Variants in COG2 observed in about 807,000 individuals in gnomAD.
The protein encoded by COG2 is conserved oligomeric Golgi complex subunit 2.
Under a neutral mutation model 90.6 loss-of-function variants are expected in COG2, and 52 were observed. That is an observed-to-expected ratio of 0.57 (90% CI 0.46 to 0.72). The LOEUF (loss-of-function observed/expected upper bound fraction) is 0.72. COG2 is among the 30% of genes least tolerant of loss of function. The probability of loss-of-function intolerance (pLI) is 0.00; values close to 1 mark genes in which losing one functional copy is unlikely to be tolerated. For missense variants in COG2, 829 were observed against 891.2 expected (o/e 0.93, Z 0.89); for synonymous variants, 337 against 320.4 (o/e 1.05, Z -0.55).
At chr1:230,665,081 T>A (rs1224555902) in intron 5 of COG2, among the ~76,000 whole-genome samples, 1 of 152,228 alleles carries the variant, frequency 6.6e-6, no homozygotes, top group Non-Finnish European at 1.5e-5. Flanking sequence ...TTTGTTATAC[T>A]GTAGTGTCTT....
At position 230,675,049 on chromosome 1, in the gene COG2, G is replaced by A; in HGVS notation, c.951G>A (p.Trp317Ter). The A allele has an allele frequency of 1.2e-6, 2 of 1,612,256 alleles. No individual in the cohort carries two copies. The highest frequency in any genetic ancestry group is 1.1e-5 in the South Asian group (1 of 90,642). The change falls in exon 9 of 18, where the codon TGG becomes TGA. Residue 317 changes from tryptophan (W) to a stop codon, truncating the protein, a stop_gained. Transcript: ENST00000366669. LOFTEE classifies it high-confidence loss of function. ...ATGACTTTTTGGTGAATTCTGTTTG[G>A]CCACAAATAGTACAAGGATTAGAAG... ...PGYDFLVNSVWPQIVQGLEEK... is the reference protein window; with the variant it reads ...PGYDFLVNSV
intron 1 of COG2, among the ~76,000 whole-genome samples, chr1:230,653,916 AC>A (rs1661980101): frequency 6.7e-6 from 1 of 150,368 alleles, no homozygotes; most frequent in Non-Finnish European, 1.5e-5. Context: ...ATTCATGAGG[AC>A]AAAGCCCTCA....
intron 9 of COG2, among the ~76,000 whole-genome samples, chr1:230,675,756 C>T (rs1193945180): frequency 6.6e-6 from 1 of 152,132 alleles, no homozygotes; most frequent in Non-Finnish European, 1.5e-5. Context: ...GATCCTATGC[C>T]TCAGGCTGCT....
intron 10 of COG2, 51 bp from the exon 11 acceptor site, chr1:230,683,523 G>C (rs1262180941): frequency 1.5e-6 from 2 of 1,356,530 alleles, no homozygotes; most frequent in Non-Finnish European, 2.1e-6. Context: ...GATAGGGAAA[G>C]GCATCTGTCA....
intron 9 of COG2, among the ~76,000 whole-genome samples, chr1:230,677,695 A>C (rs1356091076): frequency 1.3e-5 from 2 of 152,204 alleles, no homozygotes; most frequent in Admixed American, 1.3e-4. Context: ...GACTCAGGAA[A>C]TGTTTCAGCT....
chr1:230,663,187 G>T lies in COG2; in HGVS notation c.347G>T (p.Arg116Leu). The change falls in exon 4 of 18, where the codon CGA becomes CTA. Residue 116 changes from arginine to leucine, a missense_variant. Arg to Leu is a moderately radical substitution (Grantham distance 102, BLOSUM62 -2). Coordinates refer to ENST00000366669, the MANE Select transcript of COG2 (RefSeq NM_007357.3). Reference protein sequence around the residue: ...VSEGIRAVDERMSKQEDIRKK... With the variant: ...VSEGIRAVDELMSKQEDIRKK... Reference sequence around the variant, plus strand: ...GAAGGAATTCGGGCAGTTGATGAACGAATGTCTAAACAAGAGGACATTAGG... The same window carrying T: ...GAAGGAATTCGGGCAGTTGATGAACTAATGTCTAAACAAGAGGACATTAGG... 6.2e-7 allele frequency: 1 copy of T among 1,610,228 alleles called. No individual in the cohort carries two copies.
At chr1:230,656,117 T>C (rs1026946065) in intron 1 of COG2, among the ~76,000 whole-genome samples, 2 of 152,184 alleles carry the variant, frequency 1.3e-5, no homozygotes, top group African/African-American at 4.8e-5. Context: ...TCAGTTCTGC[T>C]CTGATCTTAG....
At chr1:230,650,913 G>C (rs1199443506) in intron 1 of COG2, among the ~76,000 whole-genome samples, 1 of 152,172 alleles carries the variant, frequency 6.6e-6, no homozygotes, top group Non-Finnish European at 1.5e-5. Flanking sequence ...TTTTCTGCAC[G>C]TAGTGAATAT....
At chr1:230,660,204 T>A (rs1286550675) in intron 2 of COG2, among the ~76,000 whole-genome samples, 3 of 152,198 alleles carry the variant, frequency 2.0e-5, no homozygotes, top group Non-Finnish European at 4.4e-5. Context: ...TCCAAAGAAG[T>A]ACAGAAAGTA....
intron 1 of COG2, among the ~76,000 whole-genome samples, chr1:230,653,315 G>A (rs1411003442): frequency 6.6e-6 from 1 of 151,604 alleles, no homozygotes; most frequent in Non-Finnish European, 1.5e-5. Flanking sequence ...CTGCCTCCAG[G>A]CCTCAAGCAA....
chr1:230,671,386 A>G, intron 7 of COG2, 130 bp from the exon 8 acceptor site: 1 of 709,264 alleles, frequency 1.4e-6, no homozygotes, highest in Non-Finnish European at 2.3e-6. Flanking sequence ...TGTTTAGAAA[A>G]TGTGTCACAG....
At chr1:230,644,554 A>G (rs1170022178) in intron 1 of COG2, among the ~76,000 whole-genome samples, 1 of 152,174 alleles carries the variant, frequency 6.6e-6, no homozygotes, top group Non-Finnish European at 1.5e-5. Flanking sequence ...ATCCAGATTT[A>G]AAGTTGCTTG....
chr1:230,648,798 C>CA (rs1180575037), intron 1 of COG2, among the ~76,000 whole-genome samples: 2 of 152,146 alleles, frequency 1.3e-5, no homozygotes, highest in Non-Finnish European at 2.9e-5. Flanking sequence ...AAATTAATCA[C>CA]AAAATGGGGC....
intron 8 of COG2, among the ~76,000 whole-genome samples, chr1:230,671,929 A>G (rs1428173075): frequency 6.6e-6 from 1 of 152,240 alleles, no homozygotes; most frequent in Non-Finnish European, 1.5e-5. Flanking sequence ...GTTTGAAGTC[A>G]GAATTGCTTT....
intron 7 of COG2, chr1:230,670,375 A>G (rs1662419727): frequency 1.3e-5 from 2 of 152,228 alleles, no homozygotes; most frequent in South Asian, 4.1e-4. Context: ...GTTAGTAAAT[A>G]CAAAGATTAT....
chr1:230,691,317 C>A, intron 16 of COG2, 67 bp from the exon 17 acceptor site: 1 of 1,375,618 alleles, frequency 7.3e-7, no homozygotes, highest in South Asian at 1.6e-5. Context: ...GTCCACAAAG[C>A]CAGTTACTCT....
intron 12 of COG2, among the ~76,000 whole-genome samples, chr1:230,685,965 G>A (rs1662876444): frequency 6.6e-6 from 1 of 152,226 alleles, no homozygotes; most frequent in Non-Finnish European, 1.5e-5. Flanking sequence ...GGAGAAAACA[G>A]CACACTTTGA....
intron 1 of COG2, among the ~76,000 whole-genome samples, chr1:230,650,461 T>G (rs1390471471): frequency 6.6e-6 from 1 of 152,224 alleles, no homozygotes; most frequent in Non-Finnish European, 1.5e-5. Flanking sequence ...TTAGTTATGT[T>G]GGACATTTTT....
At chr1:230,679,434 C>G (rs1169225696) in intron 10 of COG2, 1 of 156,890 alleles carries the variant, frequency 6.4e-6, no homozygotes, top group Non-Finnish European at 1.4e-5. Flanking sequence ...GAACCTGTCT[C>G]ACATCTGTTT....
Sources: gnomAD v4.1 joint callset for allele counts (sites outside exome capture counted in the v4.1 genomes callset) on GRCh38, gnomAD v4.1.1 for gene constraint, MANE v1.5 for transcripts, NCBI Gene and HGNC (gene_info 2026-07-23, HGNC 2026-07-21) for gene names.